Variants in SH3BP5 observed in about 807,000 individuals in gnomAD.
SH3BP5 encodes SH3 domain binding protein 5.
SH3BP5 carries 22 observed loss-of-function variants against 43.3 expected under a neutral mutation model. The observed-to-expected ratio is 0.51, with a 90% CI of 0.36 to 0.73. The LOEUF (loss-of-function observed/expected upper bound fraction) is 0.73. SH3BP5 is among the 30% of genes least tolerant of loss of function. SH3BP5 has a pLI of 0.00. For synonymous variants in SH3BP5, 255 were observed against 225.8 expected, an observed-to-expected ratio of 1.13 and a Z score of -1.16; for missense variants, 529 against 586.9, an observed-to-expected ratio of 0.90 and a Z score of 1.02.
chr3:15,289,659 C>T (rs558178316), intron 3 of SH3BP5, among the ~76,000 whole-genome samples: 1 of 152,280 alleles, frequency 6.6e-6, no homozygotes, highest in African/African-American at 2.4e-5. Context: ...ATTTTGTGCA[C>T]AAACAATGTA....
chr3:15,319,325 CTGGT>C (rs1329887790), intron 2 of SH3BP5, among the ~76,000 whole-genome samples: 3 of 152,134 alleles, frequency 2.0e-5, no homozygotes, highest in African/African-American at 7.2e-5. Flanking sequence ...GCTTTGCTGG[CTGGT>C]TAACCATTAA....
upstream of SH3BP5, among the ~76,000 whole-genome samples, chr3:15,334,452 G>A (rs989007904): frequency 1.3e-5 from 2 of 152,178 alleles, no homozygotes; most frequent in Non-Finnish European, 2.9e-5. Context: ...ACATGGCCAG[G>A]AGTGGTGGCT....
In SH3BP5 at chr3:15,332,424, G is replaced by A; in HGVS notation, c.-16C>T. On this transcript the variant is annotated 5_prime_UTR_variant, in exon 1 of 9. Transcript: ENST00000383791. ...CCGCGTCCATGCAGGCAGCCGGCAC[G>A]CGCGCCGCGCAGTGGGCTCCGGAGC... The A allele has an allele frequency of 6.5e-7, 1 of 1,529,694 alleles. No individual in the cohort carries two copies. Among genetic ancestry groups the A allele is most frequent in the Non-Finnish European group, 8.7e-7 (1 of 1,143,762 alleles). The allele number at this position is 1,529,694 out of a possible 1,614,324, so 94.8% of individuals were successfully genotyped here.
rs549223322 is a variant in SH3BP5, at chr3:15,296,908, G to T, written c.330+7195C>A. The stretch of plus-strand genomic sequence containing the variant: ...AATGGTGTCTCACCATGTTGCCCAG[G>T]GTGGTATTGAACTCCTGGGCTCAAG... On this transcript the variant is annotated intron_variant, in intron 3 of 8. Transcript: ENST00000383791. Among the ~76,000 whole-genome samples the T allele has an allele frequency of 1.1e-4, 17 of 151,088 alleles. No individual in the cohort carries two copies. The South Asian group carries it at 1.5e-3, about 13-fold the overall frequency.
At chr3:15,321,720 T>C (rs914348178) in intron 2 of SH3BP5, among the ~76,000 whole-genome samples, 1 of 150,636 alleles carries the variant, frequency 6.6e-6, no homozygotes, top group African/African-American at 2.4e-5. Flanking sequence ...ATGGATCTTC[T>C]CCCATCCAAT....
intron 2 of SH3BP5, among the ~76,000 whole-genome samples, chr3:15,323,021 C>G (rs1229254083): frequency 6.6e-6 from 1 of 152,040 alleles, no homozygotes; most frequent in Admixed American, 6.6e-5. Context: ...TGCCTGTAAT[C>G]CCAGCTACTC....
chr3:15,273,588 A>C (rs1166808414), intron 3 of SH3BP5, among the ~76,000 whole-genome samples: 2 of 152,288 alleles, frequency 1.3e-5, no homozygotes, highest in East Asian at 3.9e-4. Flanking sequence ...CATTTAACCC[A>C]CAGAAACCAG....
At chr3:15,317,721 G>A (rs1464015676) in intron 2 of SH3BP5, among the ~76,000 whole-genome samples, 3 of 152,172 alleles carry the variant, frequency 2.0e-5, no homozygotes, top group African/African-American at 7.2e-5. Context: ...TATTCAACAT[G>A]TGGCTAGATC....
At chr3:15,294,330 T>TGTGTGTGTGTGTGTGTGTGTGC (rs565464561) in intron 3 of SH3BP5, among the ~76,000 whole-genome samples, 13 of 121,506 alleles carry the variant, frequency 1.1e-4, no homozygotes, top group Admixed American at 9.8e-4. Flanking sequence ...TGTGTGTGTG[T>TGTGTGTGTGTGTGTGTGTGTGC]GCGCGCGCAT....
intron 3 of SH3BP5, among the ~76,000 whole-genome samples, chr3:15,300,512 G>A (rs575666423): frequency 6.7e-6 from 1 of 148,746 alleles, no homozygotes; most frequent in East Asian, 2.0e-4. Context: ...GGGGGCGGGG[G>A]GACAAGAGGA....
chr3:15,265,512 T>TCTCACTCACACACACACACACA lies in SH3BP5; in HGVS notation c.496-3224_496-3223insTGTGTGTGTGTGTGTGAGTGAG, dbSNP rs1318765546. Among the ~76,000 whole-genome samples, 128 of 107,982 alleles carry TCTCACTCACACACACACACACA rather than the reference T, an allele frequency of 1.2e-3. 4 individuals carry two copies. Among genetic ancestry groups the TCTCACTCACACACACACACACA allele is most frequent in the African/African-American group, 4.9e-3 (119 of 24,112 alleles). The allele number at this position is 107,982 out of a possible 152,430, so 70.8% of individuals were successfully genotyped here. A position where few individuals can be genotyped will look rare whatever the true frequency, so the allele number is the denominator to read the frequency against. ...GCCTGAGCTACAGGGCGAGACTCCG[T>TCTCACTCACACACACACACACA]CACACACACACACACACACACACAC... On this transcript the variant is annotated intron_variant, in intron 4 of 8. Transcript: ENST00000383791.
intron 3 of SH3BP5, among the ~76,000 whole-genome samples, chr3:15,286,085 C>T (rs568593140): frequency 2.6e-5 from 4 of 152,360 alleles, no homozygotes; most frequent in East Asian, 1.9e-4. Context: ...GGAAGACGCT[C>T]GGCATGGCTG....
At chr3:15,319,088 G>C (rs767219703) in intron 2 of SH3BP5, among the ~76,000 whole-genome samples, 21 of 152,184 alleles carry the variant, frequency 1.4e-4, no homozygotes, top group Non-Finnish European at 2.9e-4. Flanking sequence ...GAATTACAAA[G>C]CAACAGTCTA....
chr3:15,279,961 C>T (rs965873684), intron 3 of SH3BP5, among the ~76,000 whole-genome samples: 5 of 152,178 alleles, frequency 3.3e-5, no homozygotes, highest in African/African-American at 1.2e-4. Flanking sequence ...ATTTGTCACC[C>T]TACAGAATCT....
intron 5 of SH3BP5, 78 bp downstream of exon 5, chr3:15,262,081 T>C: frequency 1.3e-6 from 2 of 1,556,376 alleles, no homozygotes; most frequent in South Asian, 1.2e-5. Flanking sequence ...GGTCCTTGAG[T>C]GTGTGACATA....
chr3:15,263,096 G>A (rs1696509362), intron 4 of SH3BP5, among the ~76,000 whole-genome samples: 1 of 152,172 alleles, frequency 6.6e-6, no homozygotes, highest in Admixed American at 6.5e-5. Context: ...TGTGAGGAAA[G>A]ATTAAATAGC....
chr3:15,292,003 C>G (rs1389228542), intron 3 of SH3BP5, among the ~76,000 whole-genome samples: 1 of 152,186 alleles, frequency 6.6e-6, no homozygotes, highest in African/African-American at 2.4e-5. Flanking sequence ...GGGGCCCAAA[C>G]CTCGTCACCA....
At chr3:15,262,091 A>G in intron 5 of SH3BP5, 68 bp downstream of exon 5, 2 of 1,588,036 alleles carry the variant, frequency 1.3e-6, no homozygotes, top group South Asian at 2.3e-5. Context: ...TGTGTGACAT[A>G]CAAAAGGCTG....
At chr3:15,332,945 G>A, upstream of SH3BP5, 1 of 441,428 alleles carries the variant, frequency 2.3e-6, no homozygotes, top group Non-Finnish European at 3.0e-6. Context: ...ACCAAGACTT[G>A]CCGAAACCCT....
Sources: gnomAD v4.1 joint callset for allele counts (sites outside exome capture counted in the v4.1 genomes callset) on GRCh38, gnomAD v4.1.1 for gene constraint, MANE v1.5 for transcripts, NCBI Gene and HGNC (gene_info 2026-07-23, HGNC 2026-07-21) for gene names.